The following PRKCH variants were observed in gnomAD, a reference collection of about 807,000 sequenced individuals.
PRKCH encodes the protein protein kinase C eta type.
In PRKCH, 28 loss-of-function variants were observed where a neutral mutation model predicts 82.5. That is an observed-to-expected ratio of 0.34 (90% CI 0.25 to 0.47). The LOEUF (loss-of-function observed/expected upper bound fraction) is 0.47, where lower values mean the gene tolerates loss of function less well. PRKCH is among the 20% of genes least tolerant of loss of function. The probability of loss-of-function intolerance (pLI) is 1.00; values close to 1 mark genes in which losing one functional copy is unlikely to be tolerated. For missense variants in PRKCH, 705 were observed against 881.8 expected (o/e 0.80, Z 2.54); for synonymous variants, 322 against 327.4 (o/e 0.98, Z 0.18).
At chr14:61,427,374 A>T (rs1883160526) in intron 2 of PRKCH, among the ~76,000 whole-genome samples, 1 of 152,126 alleles carries the variant, frequency 6.6e-6, no homozygotes, top group South Asian at 2.1e-4. Flanking sequence ...TAGATGGCAA[A>T]TGTTTCCTAT....
Position 61,264,990 on chromosome 14 carries a change from G to A in PRKCH, c.-19+77322G>A, listed in dbSNP as rs117388881. ...TGTTTAAGATCACTAGAGCCACCCA[G>A]TGTTCCTTCCCTACCACGTGTTGAG... is the stretch of plus-strand genomic sequence containing the variant. On this transcript the variant is annotated intron_variant, in intron 1 of 3. Coordinates refer to the PRKCH transcript ENST00000555185. Among the ~76,000 whole-genome samples the A allele has an allele frequency of 1.2e-3, 184 of 152,288 alleles. 2 individuals carry two copies. The East Asian group carries it at 0.024, about 20-fold the overall frequency.
intron 10 of PRKCH, among the ~76,000 whole-genome samples, chr14:61,526,810 G>T (rs370755861): frequency 1.3e-5 from 2 of 152,256 alleles, no homozygotes; most frequent in South Asian, 4.1e-4. Flanking sequence ...GCGGCCCAAG[G>T]CCATGGCAGC....
chr14:61,524,891 T>A (rs1229030523), intron 10 of PRKCH, among the ~76,000 whole-genome samples: 2 of 152,248 alleles, frequency 1.3e-5, no homozygotes, highest in African/African-American at 2.4e-5. Context: ...CTTGAGTCTA[T>A]CTTTAAGGGG....
chr14:61,245,807 T>A (rs555849708), intron 1 of PRKCH, among the ~76,000 whole-genome samples: 1 of 152,320 alleles, frequency 6.6e-6, no homozygotes, highest in East Asian at 1.9e-4. Context: ...CAAAACCTAG[T>A]AGGTGTGAAA....
intron 1 of PRKCH, among the ~76,000 whole-genome samples, chr14:61,356,214 T>G (rs1292001148): frequency 6.6e-6 from 1 of 151,930 alleles, no homozygotes; most frequent in Non-Finnish European, 1.5e-5. Flanking sequence ...CCTGGTCGAG[T>G]GCAGTGGGTT....
Position 61,309,258 on chromosome 14 carries a change from G to C in PRKCH, c.-19+121590G>C, listed in dbSNP as rs545168647. Among the ~76,000 whole-genome samples, 11 of 152,246 alleles carry C rather than the reference G, an allele frequency of 7.2e-5. No individual in the cohort carries two copies. In the South Asian group the frequency reaches 1.5e-3, roughly 20 times the overall value. ...GATTGTGCCGGTGCACTCCAACCTA[G>C]CTGACAGGAGTGAGACCCTGTCTCA... On this transcript the variant is annotated intron_variant, in intron 1 of 3. Coordinates refer to the PRKCH transcript ENST00000555185.
At chr14:61,446,680 T>C (rs1884241549) in intron 4 of PRKCH, among the ~76,000 whole-genome samples, 1 of 152,252 alleles carries the variant, frequency 6.6e-6, no homozygotes, top group Non-Finnish European at 1.5e-5. Context: ...CAGCAATAAT[T>C]GACCTGTATG....
intron 9 of PRKCH, among the ~76,000 whole-genome samples, chr14:61,474,551 T>C (rs1010636129): frequency 1.3e-5 from 2 of 150,890 alleles, no homozygotes; most frequent in Non-Finnish European, 3.0e-5. Flanking sequence ...CACTGGGGCC[T>C]GGCAGGGGAT....
chr14:61,251,143 T>C (rs1322160303), intron 1 of PRKCH, among the ~76,000 whole-genome samples: 1 of 152,208 alleles, frequency 6.6e-6, no homozygotes, highest in Non-Finnish European at 1.5e-5. Flanking sequence ...AGGCATGCAA[T>C]GTGTAATAAT....
chr14:61,506,578 G>A (rs1887159778), intron 10 of PRKCH, among the ~76,000 whole-genome samples: 1 of 152,106 alleles, frequency 6.6e-6, no homozygotes, highest in South Asian at 2.1e-4. Flanking sequence ...CCAGAAAGTT[G>A]CTCTTCAGAA....
At chr14:61,541,485 G>T (rs1303462971) in intron 12 of PRKCH, among the ~76,000 whole-genome samples, 1 of 152,226 alleles carries the variant, frequency 6.6e-6, no homozygotes, top group Admixed American at 6.5e-5. Flanking sequence ...GGAAGGTTCT[G>T]TGGCATAGTT....
At position 61,456,967 on chromosome 14, in the gene PRKCH, A is replaced by G. The variant is rs140597370; in HGVS notation, c.961-209A>G. 2,300 of 526,244 alleles carry G rather than the reference A, an allele frequency of 4.4e-3. 6 individuals carry two copies. The highest frequency in any genetic ancestry group is 6.6e-3 in the Non-Finnish European group (1,961 of 297,406). 32.6% of individuals were successfully genotyped at this position (526,244 alleles called of 1,614,324 possible). On this transcript the variant is annotated intron_variant, in intron 7 of 13. Coordinates refer to ENST00000332981, the MANE Select transcript of PRKCH (RefSeq NM_006255.5). ...CATGGCTTAGACGTATTTTTAATTG[A>G]CCTTTTACACAAAGCAGTAAGCACA...
At position 61,329,254 on chromosome 14, in the gene PRKCH, T is replaced by TTTTTTTTTTTTTTTG. The variant is rs1555375988; in HGVS notation, c.363+6790_363+6791insTTTTTTTTTTTTTTG. ...TGAGTCTTTTTTTTTTTTTTTTTTT[T>TTTTTTTTTTTTTTTG]GAGACAGAATCTCTCTCTGTTGCCC... On this transcript the variant is annotated intron_variant, in intron 1 of 13. Coordinates refer to ENST00000332981, the MANE Select transcript of PRKCH (RefSeq NM_006255.5). 9.0e-5 allele frequency among the ~76,000 whole-genome samples: 11 copies of TTTTTTTTTTTTTTTG among 122,514 alleles called. 2 individuals are homozygous for TTTTTTTTTTTTTTTG. Among genetic ancestry groups the TTTTTTTTTTTTTTTG allele is most frequent in the African/African-American group, 1.6e-4 (5 of 30,954 alleles). 80.4% of individuals were successfully genotyped at this position (122,514 alleles called of 152,430 possible).
At chr14:61,249,706 C>T (rs939229723) in intron 1 of PRKCH, among the ~76,000 whole-genome samples, 4 of 151,860 alleles carry the variant, frequency 2.6e-5, no homozygotes, top group African/African-American at 4.8e-5. Flanking sequence ...CTGCAACCTC[C>T]GCCTCCTGGA....
intron 1 of PRKCH, among the ~76,000 whole-genome samples, chr14:61,362,957 G>A (rs975534306): frequency 6.6e-6 from 1 of 152,224 alleles, no homozygotes; most frequent in Non-Finnish European, 1.5e-5. Context: ...GAAGAAGGGA[G>A]GTTAGGGCAA....
chr14:61,241,882 G>C (rs542924617), intron 1 of PRKCH, among the ~76,000 whole-genome samples: 1 of 152,270 alleles, frequency 6.6e-6, no homozygotes, highest in African/African-American at 2.4e-5. Context: ...CGTGTTTTAT[G>C]GGATAAACCG....
rs180923480 is a variant in PRKCH at position 61,427,976 on chromosome 14, T to G, written c.428-15135T>G. 2.8e-3 allele frequency among the ~76,000 whole-genome samples: 419 copies of G among 151,628 alleles called. 4 individuals carry two copies. Among genetic ancestry groups the G allele is most frequent in the African/African-American group, 9.7e-3 (402 of 41,274 alleles). On this transcript the variant is annotated intron_variant, in intron 2 of 13. Coordinates refer to ENST00000332981, the MANE Select transcript of PRKCH (RefSeq NM_006255.5). ...TGGGAGACTGAGGCAAGTGGATCGTTTAAGACCAGGAATTTGAGACCAACC... is the reference window on the plus strand; with the variant it reads ...TGGGAGACTGAGGCAAGTGGATCGTGTAAGACCAGGAATTTGAGACCAACC...
At chr14:61,511,258 G>A (rs997721166) in intron 10 of PRKCH, among the ~76,000 whole-genome samples, 3 of 152,194 alleles carry the variant, frequency 2.0e-5, no homozygotes, top group Non-Finnish European at 4.4e-5. Flanking sequence ...TAAACCTGTG[G>A]TTCTGGTCTT....
At chr14:61,384,126 G>A (rs943072822) in intron 1 of PRKCH, among the ~76,000 whole-genome samples, 1 of 152,150 alleles carries the variant, frequency 6.6e-6, no homozygotes, top group African/African-American at 2.4e-5. Flanking sequence ...ATGATGGAGG[G>A]AACGAAGGGA....
Sources: gnomAD v4.1 joint callset for allele counts (sites outside exome capture counted in the v4.1 genomes callset) on GRCh38, gnomAD v4.1.1 for gene constraint, MANE v1.5 for transcripts, NCBI Gene and HGNC (gene_info 2026-07-23, HGNC 2026-07-21) for gene names.